The following RBFOX1 variants were observed in gnomAD, a reference collection of about 807,000 sequenced individuals.
RBFOX1 encodes RNA binding fox-1 homolog 1, also known as RNA binding protein fox-1 homolog 1.
In RBFOX1, 8 loss-of-function variants were observed where a neutral mutation model predicts 57.7. The observed-to-expected ratio is 0.14, with a 90% CI of 0.08 to 0.25. RBFOX1 has a LOEUF of 0.25. RBFOX1 is among the 10% of genes least tolerant of loss of function. The pLI is 1.00. For missense variants in RBFOX1, 611 were observed against 548.5 expected (o/e 1.11, Z -1.14); for synonymous variants, 326 against 222.4 (o/e 1.47, Z -4.15).
chr16:6,684,409 G>A (rs1464646255), intron 3 of RBFOX1, among the ~76,000 whole-genome samples: 4 of 152,214 alleles, frequency 2.6e-5, no homozygotes, highest in African/African-American at 9.6e-5. Flanking sequence ...TTTTCCCCCA[G>A]TTTAAGTATC....
intron 3 of RBFOX1, among the ~76,000 whole-genome samples, chr16:6,820,407 A>G (rs2091062467): frequency 6.6e-6 from 1 of 152,212 alleles, no homozygotes; most frequent in African/African-American, 2.4e-5. Flanking sequence ...CTATAATCCC[A>G]GCATTTTGGG....
chr16:6,596,143 T>G (rs966743346), intron 2 of RBFOX1, among the ~76,000 whole-genome samples: 7 of 152,122 alleles, frequency 4.6e-5, no homozygotes, highest in African/African-American at 1.7e-4. Flanking sequence ...AATTTATTTT[T>G]TATTGCTTAT....
At chr16:7,035,908 A>T (rs1018634400) in intron 3 of RBFOX1, among the ~76,000 whole-genome samples, 3 of 152,166 alleles carry the variant, frequency 2.0e-5, no homozygotes, top group Non-Finnish European at 4.4e-5. Context: ...ACATATACAG[A>T]GCAACAGTCA....
intron 1 of RBFOX1, chr16:6,038,083 GA>G (rs946431508): frequency 6.6e-6 from 1 of 151,930 alleles, no homozygotes. Flanking sequence ...TTTGGCGGGG[GA>G]TTGACTCCGC....
At chr16:7,483,509 A>G (rs1485367099) in intron 4 of RBFOX1, among the ~76,000 whole-genome samples, 2 of 152,216 alleles carry the variant, frequency 1.3e-5, no homozygotes, top group Non-Finnish European at 2.9e-5. Flanking sequence ...TGGACATTGT[A>G]TATCTTTAAT....
intron 1 of RBFOX1, among the ~76,000 whole-genome samples, chr16:6,103,162 A>T (rs557756740): frequency 6.6e-6 from 1 of 152,322 alleles, no homozygotes; most frequent in African/African-American, 2.4e-5. Context: ...GTAGTGGGAT[A>T]AGCCAGTTCC....
rs530026328 is a variant in RBFOX1 at position 6,137,650 on chromosome 16, G to C, written c.-127+117658G>C. ...TTTTTTTTTGACAGGGTCTGACTCT[G>C]TTGCCCAGACTAGAGTGAAGTGACA... On this transcript the variant is annotated intron_variant, in intron 1 of 15. Coordinates refer to ENST00000550418, the MANE Select transcript of RBFOX1 (RefSeq NM_018723.4). Among the ~76,000 whole-genome samples, 493 of 119,060 alleles carry C rather than the reference G, an allele frequency of 4.1e-3. 2 individuals carry two copies. Among genetic ancestry groups the C allele is most frequent in the African/African-American group, 0.015 (460 of 29,730 alleles). The allele number at this position is 119,060 out of a possible 152,430, so 78.1% of individuals were successfully genotyped here. A position where few individuals can be genotyped will look rare whatever the true frequency, so the allele number is the denominator to read the frequency against.
intron 3 of RBFOX1, among the ~76,000 whole-genome samples, chr16:6,914,974 A>C (rs1055363232): frequency 1.3e-5 from 2 of 152,230 alleles, no homozygotes; most frequent in African/African-American, 2.4e-5. Context: ...GCGTACTATT[A>C]TTATTACAGC....
chr16:7,478,637 A>G (rs1161512429), intron 4 of RBFOX1, among the ~76,000 whole-genome samples: 1 of 152,170 alleles, frequency 6.6e-6, no homozygotes, highest in Non-Finnish European at 1.5e-5. Flanking sequence ...GATTCAACTT[A>G]TTTCAGAAGC....
chr16:7,167,374 G>C (rs1368618222), intron 4 of RBFOX1, among the ~76,000 whole-genome samples: 1 of 151,936 alleles, frequency 6.6e-6, no homozygotes, highest in African/African-American at 2.4e-5. Flanking sequence ...CCAGTGGCTG[G>C]TGTTTCAATA....
Position 5,795,531 on chromosome 16 carries a change from T to G in RBFOX1, c.319-71772T>G, listed in dbSNP as rs115985724. Among the ~76,000 whole-genome samples, 709 of 152,228 alleles carry G rather than the reference T, an allele frequency of 4.7e-3. 8 individuals carry two copies. The highest frequency in any genetic ancestry group is 0.016 in the African/African-American group (663 of 41,528). ...GTTGTGAATTCCTGGGCTCAAACAA[T>G]CCTCCTGCCTTGGCCTCCCAAAGTG... is the stretch of plus-strand genomic sequence containing the variant. On this transcript the variant is annotated intron_variant, in intron 3 of 19. Coordinates refer to the RBFOX1 transcript ENST00000641259.
intron 2 of RBFOX1, among the ~76,000 whole-genome samples, chr16:6,321,386 A>G (rs974778914): frequency 2.0e-5 from 3 of 152,196 alleles, no homozygotes; most frequent in Non-Finnish European, 4.4e-5. Context: ...CTTAGCTGTT[A>G]TAGATCAATT....
chr16:7,115,537 G>A (rs529194087), intron 4 of RBFOX1, among the ~76,000 whole-genome samples: 1 of 152,284 alleles, frequency 6.6e-6, no homozygotes, highest in Non-Finnish European at 1.5e-5. Context: ...CTCTCTTTGA[G>A]GGGGACCTTC....
intron 3 of RBFOX1, among the ~76,000 whole-genome samples, chr16:6,746,970 C>G (rs1356829625): frequency 1.3e-5 from 2 of 152,102 alleles, no homozygotes; most frequent in African/African-American, 2.4e-5. Context: ...TCTCATCTCT[C>G]CTGTGGAGCT....
At chr16:7,307,900 C>T (rs1335194956) in intron 4 of RBFOX1, among the ~76,000 whole-genome samples, 2 of 152,212 alleles carry the variant, frequency 1.3e-5, no homozygotes, top group Non-Finnish European at 2.9e-5. Flanking sequence ...TGGCTTCATG[C>T]TGTGTCTTCT....
At chr16:5,348,772 A>G (rs1027497970) in intron 1 of RBFOX1, among the ~76,000 whole-genome samples, 3 of 152,206 alleles carry the variant, frequency 2.0e-5, no homozygotes, top group Non-Finnish European at 4.4e-5. Context: ...CCTATACCTG[A>G]TGCTGTATTG....
At chr16:7,474,750 C>G (rs184262527) in intron 4 of RBFOX1, among the ~76,000 whole-genome samples, 1 of 152,150 alleles carries the variant, frequency 6.6e-6, no homozygotes, top group Non-Finnish European at 1.5e-5. Context: ...AATCGTAGAA[C>G]TGGACTTCTA....
chr16:6,736,887 T>C (rs56998801), intron 3 of RBFOX1, among the ~76,000 whole-genome samples: 14,785 of 152,152 alleles, frequency 0.097, 951 homozygotes, highest in African/African-American at 0.17. Flanking sequence ...ATTTGGAGCC[T>C]AGGTATAGAC....
chr16:5,963,963 C>T (rs149891029), intron 4 of RBFOX1, among the ~76,000 whole-genome samples: 1,535 of 152,246 alleles, frequency 0.01, 25 homozygotes, highest in Non-Finnish European at 0.012. Flanking sequence ...AATGGAAAGG[C>T]AGCCTATGAA....
Sources: allele counts gnomAD v4.1 joint callset (sites outside exome capture counted in the v4.1 genomes callset), GRCh38; gene constraint gnomAD v4.1.1; transcripts MANE v1.5; gene names NCBI Gene and HGNC (gene_info 2026-07-23, HGNC 2026-07-21).